Variants in CPA3 observed in about 807,000 individuals in gnomAD.
CPA3 encodes carboxypeptidase A3.
Under a neutral mutation model 55.8 loss-of-function variants are expected in CPA3, and 52 were observed. The ratio of observed to expected loss-of-function variants is 0.93; its 90% CI spans 0.75 to 1.17. The LOEUF (loss-of-function observed/expected upper bound fraction) is 1.17. Ranked by LOEUF, CPA3 falls within the 50% of genes most tolerant of loss-of-function variation. The probability of loss-of-function intolerance (pLI) is 0.00; values close to 1 mark genes in which losing one functional copy is unlikely to be tolerated. For missense variants in CPA3, 547 were observed against 509.1 expected (o/e 1.07, Z -0.72); for synonymous variants, 179 against 171.2 (o/e 1.05, Z -0.36).
rs182086840 is a variant in CPA3 at position 148,893,920 on chromosome 3, T to C, written c.1067-2600T>C. ...AACCCTAAATTCAATAAATTCAATG[T>C]ATTGCAAAAATATTCAGAAATGAAG... On this transcript the variant is annotated intron_variant, in intron 10 of 10. Coordinates refer to ENST00000296046, the MANE Select transcript of CPA3 (RefSeq NM_001870.4). 1.0e-3 allele frequency among the ~76,000 whole-genome samples: 154 copies of C among 152,312 alleles called. 2 individuals carry two copies. The highest frequency in any genetic ancestry group is 3.5e-3 in the African/African-American group (147 of 41,578).
chr3:148,890,827 G>A (rs189908557), intron 10 of CPA3, among the ~76,000 whole-genome samples: 48 of 152,256 alleles, frequency 3.2e-4, no homozygotes, highest in Non-Finnish European at 3.4e-4. Context: ...TTCTAGTTTG[G>A]TACGGTTTCA....
intron 10 of CPA3, among the ~76,000 whole-genome samples, chr3:148,891,562 C>T (rs1714673891): frequency 6.6e-6 from 1 of 151,828 alleles, no homozygotes; most frequent in African/African-American, 2.4e-5. Flanking sequence ...AAAGTAAAAA[C>T]TTGCAATGTT....
intron 2 of CPA3, among the ~76,000 whole-genome samples, chr3:148,868,043 G>A (rs1159980741): frequency 1.3e-5 from 2 of 152,094 alleles, no homozygotes; most frequent in Middle Eastern, 3.2e-3. Context: ...TTACAGGCAT[G>A]TGCCACCATG....
At chr3:148,872,435 A>G (rs2172671) in intron 3 of CPA3, among the ~76,000 whole-genome samples, 1 of 152,228 alleles carries the variant, frequency 6.6e-6, no homozygotes, top group East Asian at 1.9e-4. Context: ...AACTCAGAAA[A>G]CAACTATTAA....
Position 148,896,795 on chromosome 3 carries a change from C to T in CPA3, c.*88C>T. The T allele has an allele frequency of 1.8e-6, 2 of 1,112,580 alleles. No homozygotes were observed. Among genetic ancestry groups the T allele is most frequent in the Non-Finnish European group, 2.5e-6 (2 of 806,458 alleles). The allele number at this position is 1,112,580 out of a possible 1,614,324, so 68.9% of individuals were successfully genotyped here. ...AATCTTCAGTTATCCCCAAATGCAG[C>T]TTCTATTTCACCTGAATCCTTCTCT... On this transcript the variant is annotated 3_prime_UTR_variant, in exon 11 of 11. Coordinates refer to ENST00000296046, the MANE Select transcript of CPA3 (RefSeq NM_001870.4).
intron 10 of CPA3, among the ~76,000 whole-genome samples, chr3:148,894,921 GCT>G (rs1165688211): frequency 6.6e-6 from 1 of 152,104 alleles, no homozygotes; most frequent in African/African-American, 2.4e-5. Context: ...CCATCCCAAT[GCT>G]CTCTGAGTTC....
chr3:148,881,263 A>G (rs1179429247), intron 6 of CPA3, among the ~76,000 whole-genome samples: 1 of 152,200 alleles, frequency 6.6e-6, no homozygotes, highest in Non-Finnish European at 1.5e-5. Flanking sequence ...CTCATGCTAC[A>G]TTTGGAATGC....
At chr3:148,886,071 T>A in intron 9 of CPA3, 22 bp from the exon 10 acceptor site, 5 of 1,557,430 alleles carry the variant, frequency 3.2e-6, no homozygotes, top group Non-Finnish European at 4.4e-6. Flanking sequence ...ATTATTTCAC[T>A]CTAACTTTCC....
At chr3:148,873,674 G>C (rs1353594693) in intron 3 of CPA3, among the ~76,000 whole-genome samples, 2 of 152,144 alleles carry the variant, frequency 1.3e-5, no homozygotes, top group Non-Finnish European at 2.9e-5. Context: ...AGGCACTATT[G>C]TACAATGGCT....
intron 7 of CPA3, 65 bp downstream of exon 7, chr3:148,881,697 T>A: frequency 2.1e-6 from 2 of 970,294 alleles, no homozygotes; most frequent in Non-Finnish European, 3.1e-6. Context: ...CACAATGTTA[T>A]GCATTCAGCT....
chr3:148,888,332 C>T (rs3772576), intron 10 of CPA3, among the ~76,000 whole-genome samples: 66,100 of 152,048 alleles, frequency 0.43, 16,742 homozygotes, highest in Non-Finnish European at 0.57. Flanking sequence ...TCCCTTTCCT[C>T]GAGCACATTC....
intron 3 of CPA3, among the ~76,000 whole-genome samples, chr3:148,875,073 G>C (rs938604493): frequency 8.5e-5 from 13 of 152,310 alleles, no homozygotes; most frequent in African/African-American, 3.1e-4. Context: ...GTATTATGTA[G>C]CTGAACTGGG....
intron 10 of CPA3, among the ~76,000 whole-genome samples, chr3:148,890,507 T>C (rs1238421632): frequency 8.5e-6 from 1 of 116,964 alleles, no homozygotes; most frequent in African/African-American, 2.5e-5. Context: ...ATTTACATTC[T>C]GAAAAAGAAA....
intron 10 of CPA3, among the ~76,000 whole-genome samples, chr3:148,888,614 A>C (rs1331439309): frequency 2.0e-5 from 3 of 152,268 alleles, no homozygotes; most frequent in African/African-American, 7.2e-5. Flanking sequence ...AATAAATAGC[A>C]GGGCCAGATT....
intron 9 of CPA3, among the ~76,000 whole-genome samples, chr3:148,884,740 C>A (rs1459138010): frequency 2.0e-5 from 3 of 151,876 alleles, no homozygotes; most frequent in Non-Finnish European, 4.4e-5. Flanking sequence ...GGCCCATAGT[C>A]ATTTATTATC....
At chr3:148,879,655 T>C in intron 5 of CPA3, 133 bp from the exon 6 acceptor site, 1 of 609,562 alleles carries the variant, frequency 1.6e-6, no homozygotes, top group Non-Finnish European at 3.0e-6. Flanking sequence ...GAGAACAATA[T>C]GTGCATACAT....
In CPA3 at chr3:148,879,655, TG is replaced by T. The variant is rs1252328067; in HGVS notation, c.475-132del. On this transcript the variant is annotated intron_variant, in intron 5 of 10. Coordinates refer to ENST00000296046, the MANE Select transcript of CPA3 (RefSeq NM_001870.4). ...CCCATGGTCCCTTCTGAGAACAATA[TG>T]TGCATACATGGTTCTCATTCAACAA... The T allele has an allele frequency of 4.9e-6, 3 of 609,444 alleles. No homozygotes were observed. The East Asian group carries it at 8.6e-5, about 18-fold the overall frequency. The allele number at this position is 609,444 out of a possible 1,614,324, so 37.8% of individuals were successfully genotyped here.
chr3:148,870,683 C>A (rs1714040181), intron 3 of CPA3, among the ~76,000 whole-genome samples: 1 of 152,028 alleles, frequency 6.6e-6, no homozygotes. Flanking sequence ...ATAAAAAAAA[C>A]TAATTGATAC....
chr3:148,869,734 G>A (rs1035654885), intron 3 of CPA3, among the ~76,000 whole-genome samples: 10 of 152,020 alleles, frequency 6.6e-5, no homozygotes, highest in African/African-American at 2.2e-4. Flanking sequence ...GCCCAGTCTG[G>A]GCCCTGGGCA....
Sources: gnomAD v4.1 joint callset for allele counts (sites outside exome capture counted in the v4.1 genomes callset) on GRCh38, gnomAD v4.1.1 for gene constraint, MANE v1.5 for transcripts, NCBI Gene and HGNC (gene_info 2026-07-23, HGNC 2026-07-21) for gene names.